Variants in ZNF385B observed in about 807,000 individuals in gnomAD.
ZNF385B encodes the protein zinc finger protein 385B.
In ZNF385B, 23 loss-of-function variants were observed where a neutral mutation model predicts 39.2. The observed-to-expected ratio is 0.59, with a 90% CI of 0.42 to 0.83. The LOEUF (loss-of-function observed/expected upper bound fraction) is 0.83, where lower values mean the gene tolerates loss of function less well. Among genes scored for constraint, ZNF385B ranks in the 40% least tolerant of loss-of-function variants. The pLI is 0.00. For missense variants in ZNF385B, 552 were observed against 598.9 expected (o/e 0.92, Z 0.82); for synonymous variants, 205 against 222.6 (o/e 0.92, Z 0.70).
At position 179,584,485 on chromosome 2, in the gene ZNF385B, A is replaced by G. The variant is rs114578463; in HGVS notation, c.299-39516T>C. 3.1e-3 allele frequency among the ~76,000 whole-genome samples: 479 copies of G among 152,344 alleles called. 3 individuals carry two copies. Among genetic ancestry groups the G allele is most frequent in the African/African-American group, 0.011 (450 of 41,560 alleles). ...CTTCACAAAGGCCTGAAAGTTCCAT[A>G]AAATTCAGCCAGATGAAGAAAATAT... On this transcript the variant is annotated intron_variant, in intron 3 of 9. Coordinates refer to ENST00000410066, the MANE Select transcript of ZNF385B (RefSeq NM_152520.6).
intron 1 of ZNF385B, among the ~76,000 whole-genome samples, chr2:179,837,187 T>C (rs958040201): frequency 1.3e-5 from 2 of 152,220 alleles, no homozygotes; most frequent in African/African-American, 4.8e-5. Flanking sequence ...AGCAGGGATT[T>C]TCAAGCTGCC....
chr2:179,717,672 G>A (rs1700417477), intron 3 of ZNF385B, among the ~76,000 whole-genome samples: 2 of 152,182 alleles, frequency 1.3e-5, no homozygotes, highest in African/African-American at 4.8e-5. Flanking sequence ...ACGCTGCAGT[G>A]AGCTGTGGTC....
intron 1 of ZNF385B, among the ~76,000 whole-genome samples, chr2:179,821,458 T>G (rs961118621): frequency 2.0e-5 from 3 of 151,672 alleles, no homozygotes; most frequent in Non-Finnish European, 4.4e-5. Flanking sequence ...CAAATGAGAG[T>G]TCCGTTCTTT....
intron 3 of ZNF385B, among the ~76,000 whole-genome samples, chr2:179,706,081 A>G (rs975830836): frequency 6.6e-6 from 1 of 152,204 alleles, no homozygotes; most frequent in Non-Finnish European, 1.5e-5. Flanking sequence ...GTGTGTTTGC[A>G]ATTCCAAGCA....
At chr2:179,601,517 G>T (rs115703726) in intron 3 of ZNF385B, among the ~76,000 whole-genome samples, 247 of 152,124 alleles carry the variant, frequency 1.6e-3, no homozygotes, top group African/African-American at 5.6e-3. Flanking sequence ...GTTTTATGTT[G>T]CTAGTTCTAC....
intron 3 of ZNF385B, among the ~76,000 whole-genome samples, chr2:179,767,007 T>C (rs181846815): frequency 6.6e-6 from 1 of 152,296 alleles, no homozygotes; most frequent in Non-Finnish European, 1.5e-5. Flanking sequence ...GGAATGTTCA[T>C]TCTCAGATGG....
chr2:179,764,033 A>T (rs1002914239), intron 3 of ZNF385B, among the ~76,000 whole-genome samples: 4 of 152,152 alleles, frequency 2.6e-5, no homozygotes, highest in Non-Finnish European at 5.9e-5. Context: ...TTGTTTAATA[A>T]TCCTATCAGT....
intron 3 of ZNF385B, among the ~76,000 whole-genome samples, chr2:179,611,764 T>C (rs556047515): frequency 6.6e-6 from 1 of 152,340 alleles, no homozygotes; most frequent in Admixed American, 6.5e-5. Flanking sequence ...GTAGGTTGTA[T>C]GTGTCTAGGA....
At chr2:179,833,058 G>C (rs1356886626) in intron 1 of ZNF385B, among the ~76,000 whole-genome samples, 1 of 152,060 alleles carries the variant, frequency 6.6e-6, no homozygotes. Context: ...CAGAGACAAA[G>C]TATCCAGAGA....
At chr2:179,485,351 G>T (rs1349736993) in intron 5 of ZNF385B, among the ~76,000 whole-genome samples, 3 of 152,156 alleles carry the variant, frequency 2.0e-5, no homozygotes, top group Non-Finnish European at 4.4e-5. Flanking sequence ...CTTTTAACAT[G>T]CCATGATTAG....
At chr2:179,825,295 G>C (rs1374815752) in intron 1 of ZNF385B, among the ~76,000 whole-genome samples, 1 of 152,084 alleles carries the variant, frequency 6.6e-6, no homozygotes, top group Non-Finnish European at 1.5e-5. Context: ...AGCCAGTCTA[G>C]TTCCCAATGG....
chr2:179,457,955 C>T (rs1273456688), intron 6 of ZNF385B, among the ~76,000 whole-genome samples: 1 of 152,210 alleles, frequency 6.6e-6, no homozygotes, highest in African/African-American at 2.4e-5. Context: ...TGGATTCAAA[C>T]AAAGGCTTCC....
intron 3 of ZNF385B, among the ~76,000 whole-genome samples, chr2:179,738,243 G>GA (rs1308738400): frequency 2.6e-5 from 4 of 152,078 alleles, no homozygotes; most frequent in Admixed American, 1.3e-4. Context: ...GAGCTTTATT[G>GA]AAAAAATATA....
intron 3 of ZNF385B, among the ~76,000 whole-genome samples, chr2:179,674,835 G>A (rs1267985823): frequency 1.3e-5 from 2 of 152,192 alleles, no homozygotes; most frequent in Non-Finnish European, 2.9e-5. Flanking sequence ...AGGGCTCACA[G>A]GTAGGGAGAA....
intron 3 of ZNF385B, among the ~76,000 whole-genome samples, chr2:179,675,786 C>G (rs1696675072): frequency 1.2e-5 from 1 of 82,550 alleles, no homozygotes; most frequent in Non-Finnish European, 2.3e-5. Context: ...AAAATACTGA[C>G]AGTAATTTTT....
intron 1 of ZNF385B, among the ~76,000 whole-genome samples, chr2:179,810,456 T>C (rs1706663403): frequency 1.3e-5 from 2 of 151,938 alleles, no homozygotes; most frequent in African/African-American, 4.8e-5. Context: ...TGTGTTTATA[T>C]ACATTGACAC....
At chr2:179,568,409 T>G (rs746693961) in intron 3 of ZNF385B, among the ~76,000 whole-genome samples, 1 of 152,234 alleles carries the variant, frequency 6.6e-6, no homozygotes, top group Non-Finnish European at 1.5e-5. Flanking sequence ...TATTCCCAGT[T>G]TCTAGAGCAG....
At chr2:179,561,314 A>T (rs774288619) in intron 3 of ZNF385B, among the ~76,000 whole-genome samples, 12 of 152,302 alleles carry the variant, frequency 7.9e-5, no homozygotes, top group South Asian at 2.1e-4. Context: ...TAAATCAGGT[A>T]TGTAATAACT....
intron 3 of ZNF385B, among the ~76,000 whole-genome samples, chr2:179,612,358 C>T (rs1201259893): frequency 6.6e-6 from 1 of 152,100 alleles, no homozygotes; most frequent in Non-Finnish European, 1.5e-5. Context: ...TGTATGCATC[C>T]TTCTTGGAGA....
Sources: gnomAD v4.1 joint callset for allele counts (sites outside exome capture counted in the v4.1 genomes callset) on GRCh38, gnomAD v4.1.1 for gene constraint, MANE v1.5 for transcripts, NCBI Gene and HGNC (gene_info 2026-07-23, HGNC 2026-07-21) for gene names.